SOX5: variants seen among roughly 807,000 people sequenced by gnomAD.
SOX5 encodes transcription factor SOX-5.
A neutral mutation model predicts 92.0 loss-of-function variants in SOX5; 9 were observed. The ratio of observed to expected loss-of-function variants is 0.10; its 90% CI spans 0.06 to 0.17. The LOEUF (loss-of-function observed/expected upper bound fraction) is 0.17, where lower values mean the gene tolerates loss of function less well. Ranked by LOEUF, SOX5 falls within the 10% of genes least tolerant of loss-of-function variation. The pLI is 1.00. For missense variants in SOX5, 642 were observed against 944.5 expected (o/e 0.68, Z 4.20); for synonymous variants, 344 against 336.3 (o/e 1.02, Z -0.25).
intron 4 of SOX5, among the ~76,000 whole-genome samples, chr12:24,018,011 C>T (rs1953857232): frequency 6.6e-6 from 1 of 152,274 alleles, no homozygotes; most frequent in Admixed American, 6.5e-5. Flanking sequence ...CAGTTTTTCC[C>T]AAACCTTCTT....
chr12:24,016,648 A>G (rs1384010681), intron 4 of SOX5, among the ~76,000 whole-genome samples: 1 of 152,224 alleles, frequency 6.6e-6, no homozygotes, highest in Non-Finnish European at 1.5e-5. Flanking sequence ...ACGCAAAAAA[A>G]TGGGAGACCA....
intron 5 of SOX5, among the ~76,000 whole-genome samples, chr12:23,738,886 G>C: frequency 6.6e-6 from 1 of 152,072 alleles, no homozygotes; most frequent in East Asian, 1.9e-4. Flanking sequence ...TTATCATGGG[G>C]ATAAAGCAAG....
At chr12:24,170,832 G>A (rs926538888) in intron 4 of SOX5, among the ~76,000 whole-genome samples, 3 of 152,134 alleles carry the variant, frequency 2.0e-5, no homozygotes, top group Non-Finnish European at 4.4e-5. Context: ...CTAATGAGAC[G>A]CCTTGGCCAA....
chr12:24,245,868 GA>G (rs1316701033), intron 3 of SOX5, among the ~76,000 whole-genome samples: 1 of 152,062 alleles, frequency 6.6e-6, no homozygotes, highest in East Asian at 1.9e-4. Flanking sequence ...AAACAGTAAA[GA>G]AAAAAACTTG....
At chr12:24,269,601 C>G (rs1943435321) in intron 3 of SOX5, among the ~76,000 whole-genome samples, 1 of 151,410 alleles carries the variant, frequency 6.6e-6, no homozygotes, top group Non-Finnish European at 1.5e-5. Flanking sequence ...ACGTCCATAA[C>G]TTTATAGTTC....
rs547267056 is a variant in SOX5 at position 23,627,485 on chromosome 12, T to C, written c.1017+13327A>G. 2.0e-5 allele frequency among the ~76,000 whole-genome samples: 3 copies of C among 152,258 alleles called. No homozygotes were observed. The South Asian group carries it at 6.2e-4, about 32-fold the overall frequency. ...GAAAGTTACTTGCTAACTTGAAATA[T>C]GGATAGGCTCTTTGCCAGTTTTATA... On this transcript the variant is annotated intron_variant, in intron 8 of 14. Transcript: ENST00000451604.
chr12:24,500,736 T>C (rs1356486557), intron 1 of SOX5, among the ~76,000 whole-genome samples: 7 of 152,220 alleles, frequency 4.6e-5, no homozygotes, highest in Non-Finnish European at 1.0e-4. Flanking sequence ...AGTTCTTAGC[T>C]ACCGCTGTTC....
intron 8 of SOX5, among the ~76,000 whole-genome samples, chr12:23,620,358 T>A (rs1006005949): frequency 1.3e-5 from 2 of 152,080 alleles, no homozygotes; most frequent in Non-Finnish European, 2.9e-5. Context: ...ATATGGAGAA[T>A]AGATTGGGAG....
At chr12:23,926,713 T>G (rs1330144515) in intron 1 of SOX5, among the ~76,000 whole-genome samples, 1 of 152,060 alleles carries the variant, frequency 6.6e-6, no homozygotes, top group Non-Finnish European at 1.5e-5. Flanking sequence ...GATGACAGAT[T>G]TGAGTGTTTA....
At chr12:24,077,521 G>A (rs961865452) in intron 4 of SOX5, among the ~76,000 whole-genome samples, 7 of 151,936 alleles carry the variant, frequency 4.6e-5, no homozygotes, top group African/African-American at 1.7e-4. Flanking sequence ...TTGGAGAGTT[G>A]CTTAAAACGA....
intron 11 of SOX5, among the ~76,000 whole-genome samples, chr12:23,549,517 C>T (rs757676040): frequency 6.6e-6 from 1 of 151,904 alleles, no homozygotes; most frequent in African/African-American, 2.4e-5. Flanking sequence ...ATGAAAATGA[C>T]AAGATTGATT....
intron 2 of SOX5, among the ~76,000 whole-genome samples, chr12:24,284,432 T>TTGTGTGTGTGTG (rs59803171): frequency 5.3e-5 from 8 of 149,676 alleles, no homozygotes; most frequent in African/African-American, 1.2e-4. Context: ...TTTTTTTTCT[T>TTGTGTGTGTGTG]TGTGTGTGTG....
chr12:24,336,393 G>A (rs376484913), intron 2 of SOX5, among the ~76,000 whole-genome samples: 3 of 152,054 alleles, frequency 2.0e-5, no homozygotes, highest in East Asian at 1.9e-4. Flanking sequence ...GCGTCCAGCC[G>A]GGTATATGGT....
At position 23,763,118 on chromosome 12, in the gene SOX5, C is replaced by A. The variant is rs560204907; in HGVS notation, c.482-7394G>T. The stretch of plus-strand genomic sequence containing the variant: ...AATGATAATATAATGTCACATATAA[C>A]CTGACTCCATCACTTATTAAGTTTT... On this transcript the variant is annotated intron_variant, in intron 3 of 14. Coordinates refer to ENST00000451604, the MANE Select transcript of SOX5 (RefSeq NM_006940.6). Among the ~76,000 whole-genome samples the A allele has an allele frequency of 1.7e-4, 26 of 152,300 alleles. 1 individual carries two copies. The South Asian group carries it at 5.4e-3, about 32-fold the overall frequency.
At chr12:24,375,447 G>A (rs1429768501) in intron 1 of SOX5, among the ~76,000 whole-genome samples, 1 of 151,888 alleles carries the variant, frequency 6.6e-6, no homozygotes, top group African/African-American at 2.4e-5. Context: ...TCAGAAGCGA[G>A]AATAAGGCCG....
chr12:23,584,474 A>T (rs1043575596), intron 9 of SOX5: 35 of 1,090,046 alleles, frequency 3.2e-5, no homozygotes, highest in Admixed American at 2.0e-4. Flanking sequence ...CATAGAAAGC[A>T]TCATTATGCA....
At chr12:23,582,278 T>C (rs1440909102) in intron 9 of SOX5, 2 of 985,028 alleles carry the variant, frequency 2.0e-6, no homozygotes, top group East Asian at 1.1e-4. Flanking sequence ...TACAGCTCCA[T>C]AGAGGTTTAC....
In SOX5 at chr12:23,838,557, T is replaced by C. The variant is rs143648212; in HGVS notation, c.481+7426A>G. Reference sequence around the variant, plus strand: ...CTTTTAGATGCTTGCTTTGTGCAATTTATATTCCAATCTTTCATAAATACT... The same window carrying C: ...CTTTTAGATGCTTGCTTTGTGCAATCTATATTCCAATCTTTCATAAATACT... On this transcript the variant is annotated intron_variant, in intron 3 of 14. Coordinates refer to ENST00000451604, the MANE Select transcript of SOX5 (RefSeq NM_006940.6). 4.5e-3 allele frequency among the ~76,000 whole-genome samples: 686 copies of C among 152,224 alleles called. 5 individuals are homozygous for C. The highest frequency in any genetic ancestry group is 0.027 in the South Asian group (132 of 4,830).
chr12:24,133,786 G>A (rs1949872086), intron 4 of SOX5, among the ~76,000 whole-genome samples: 1 of 152,108 alleles, frequency 6.6e-6, no homozygotes, highest in Admixed American at 6.5e-5. Flanking sequence ...AAGACATGGT[G>A]TTAACTAATT....
Sources: gnomAD v4.1 joint callset for allele counts (sites outside exome capture counted in the v4.1 genomes callset) on GRCh38, gnomAD v4.1.1 for gene constraint, MANE v1.5 for transcripts, NCBI Gene and HGNC (gene_info 2026-07-23, HGNC 2026-07-21) for gene names.